CYP2B6: variants seen among roughly 807,000 people sequenced by gnomAD.
CYP2B6 encodes the protein cytochrome P450 family 2 subfamily B member 6, also known as cytochrome P450 2B6.
In CYP2B6, 35 loss-of-function variants were observed where a neutral mutation model predicts 43.4. The observed-to-expected ratio is 0.81, with a 90% CI of 0.62 to 1.07. The LOEUF (loss-of-function observed/expected upper bound fraction) is 1.07. Ranked by LOEUF, CYP2B6 falls within the 50% of genes least tolerant of loss-of-function variation. The probability of loss-of-function intolerance (pLI) is 0.00; values close to 1 mark genes in which losing one functional copy is unlikely to be tolerated. For synonymous variants in CYP2B6, 239 were observed against 239.2 expected (o/e 1.00, Z 0.01); for missense variants, 624 against 632.8 (o/e 0.99, Z 0.15).
intron 4 of CYP2B6, 23 bp downstream of exon 4, chr19:41,007,088 G>T: frequency 6.2e-7 from 1 of 1,613,356 alleles, no homozygotes; most frequent in African/African-American, 1.3e-5. Context: ...GAGAGGGACA[G>T]GGGGTGTGGG....
At chr19:40,995,193 T>C (rs968132358) in intron 1 of CYP2B6, among the ~76,000 whole-genome samples, 6 of 152,102 alleles carry the variant, frequency 3.9e-5, no homozygotes, top group African/African-American at 1.2e-4. Flanking sequence ...GGAAGAGAAA[T>C]CTTGATCCAC....
intron 1 of CYP2B6, among the ~76,000 whole-genome samples, chr19:40,994,026 C>A (rs1399866869): frequency 2.0e-5 from 3 of 152,024 alleles, no homozygotes; most frequent in Non-Finnish European, 4.4e-5. Context: ...TCAAGATGTC[C>A]CTTAATGTAT....
At chr19:40,991,685 G>A (rs1599839383) in intron 1 of CYP2B6, among the ~76,000 whole-genome samples, 1 of 152,094 alleles carries the variant, frequency 6.6e-6, no homozygotes, top group South Asian at 2.1e-4. Context: ...GAGCAAAGAA[G>A]TGACTCATGA....
chr19:41,012,803 C>A lies in CYP2B6; in HGVS notation c.1282C>A (p.Pro428Thr), dbSNP rs35010098. Residue 428 changes from proline to threonine, a missense_variant, in exon 8 of 9, where the codon CCC becomes ACC. By Grantham distance (38) the Pro-to-Thr change is conservative. Coordinates refer to ENST00000324071, the MANE Select transcript of CYP2B6 (RefSeq NM_000767.5). ...GALKKTEAFI[P>T]FSLGKRICLG... The stretch of plus-strand genomic sequence containing the variant: ...ACTGAAAAAGACTGAAGCTTTTATC[C>A]CCTTCTCCTTAGGTAAGCTGGACCC... 3.2e-5 allele frequency: 52 copies of A among 1,613,942 alleles called. 1 individual carries two copies. The African/African-American group carries it at 6.5e-4, about 20-fold the overall frequency.
At chr19:41,007,870 C>A (rs1179155405) in intron 4 of CYP2B6, among the ~76,000 whole-genome samples, 2 of 151,982 alleles carry the variant, frequency 1.3e-5, no homozygotes, top group Non-Finnish European at 2.9e-5. Flanking sequence ...AAGTGATCTG[C>A]CCGCCTCAGA....
intron 1 of CYP2B6, among the ~76,000 whole-genome samples, chr19:40,995,955 A>C (rs771627619): frequency 2.0e-4 from 30 of 152,184 alleles, no homozygotes; most frequent in Admixed American, 2.0e-3. Flanking sequence ...TAAACATATT[A>C]AGGTGGGAAC....
intron 8 of CYP2B6, among the ~76,000 whole-genome samples, chr19:41,016,399 C>CAAAAAAAA (rs869180190): frequency 9.2e-4 from 71 of 76,854 alleles, no homozygotes; most frequent in Non-Finnish European, 1.6e-3. Context: ...GACTCCATCT[C>CAAAAAAAA]AAAAAAAAAA....
intron 1 of CYP2B6, 46 bp from the exon 2 acceptor site, chr19:41,003,955 G>A: frequency 6.3e-7 from 1 of 1,593,094 alleles, no homozygotes; most frequent in South Asian, 1.1e-5. Flanking sequence ...TACAAATGAG[G>A]TGTATGCTGA....
intron 1 of CYP2B6, among the ~76,000 whole-genome samples, chr19:40,998,769 G>T (rs1969036321): frequency 8.9e-6 from 1 of 112,988 alleles, no homozygotes; most frequent in East Asian, 2.5e-4. Flanking sequence ...ATTTTTTATG[G>T]CTGCATAGTA....
At position 41,016,699 on chromosome 19, in the gene CYP2B6, T is replaced by C. The variant is rs1348583526; in HGVS notation, c.1348T>C (p.Phe450Leu). The change falls in exon 9 of 9, where the codon TTC becomes CTC. Residue 450 changes from phenylalanine to leucine, a missense_variant. Coordinates refer to ENST00000324071, the MANE Select transcript of CYP2B6 (RefSeq NM_000767.5). Reference protein sequence around the residue: ...GIARAELFLFFTTILQNFSMA... With the variant: ...GIARAELFLFLTTILQNFSMA... ...CGCCCGTGCGGAATTGTTCCTCTTC[T>C]TCACCACCATCCTCCAGAACTTCTC... 2.5e-6 allele frequency: 4 copies of C among 1,614,100 alleles called. No individual in the cohort carries two copies. In the African/African-American group the frequency reaches 5.3e-5, roughly 22 times the overall value.
Position 41,016,679 on chromosome 19 carries a change from G to C in CYP2B6, c.1328G>C (p.Arg443Pro). ...KRICLGEGIA[R>P]AELFLFFTTI... ...ATTTGTCTTGGTGAAGGCATCGCCC[G>C]TGCGGAATTGTTCCTCTTCTTCACC... The change falls in exon 9 of 9, where the codon CGT becomes CCT. Residue 443 changes from arginine to proline, a missense_variant. By Grantham distance (103) the Arg-to-Pro change is moderately radical. Transcript: ENST00000324071. 4 of 1,614,200 alleles carry C rather than the reference G, an allele frequency of 2.5e-6. No individual in the cohort carries two copies. The highest frequency in any genetic ancestry group is 3.4e-6 in the Non-Finnish European group (4 of 1,180,030).
intron 3 of CYP2B6, among the ~76,000 whole-genome samples, chr19:41,006,044 A>G (rs1969177665): frequency 1.3e-5 from 2 of 152,152 alleles, no homozygotes; most frequent in Non-Finnish European, 2.9e-5. Context: ...AGCCTGGTGT[A>G]TACAGGTATC....
chr19:41,012,810 C>G lies in CYP2B6; in HGVS notation c.1289C>G (p.Ser430Cys). The change falls in exon 8 of 9, where the codon TCC becomes TGC. Residue 430 changes from serine to cysteine, a missense_variant. Coordinates refer to ENST00000324071, the MANE Select transcript of CYP2B6 (RefSeq NM_000767.5). ...LKKTEAFIPF[S>C]LGKRICLGEG... ...AAGACTGAAGCTTTTATCCCCTTCT[C>G]CTTAGGTAAGCTGGACCCACAATTT... The G allele has an allele frequency of 1.2e-6, 2 of 1,614,124 alleles. No homozygotes were observed. Among genetic ancestry groups the G allele is most frequent in the Non-Finnish European group, 1.7e-6 (2 of 1,180,022 alleles).
rs561830421 is a variant in CYP2B6, at chr19:40,992,201, C to CAAAAAAAAAAAAAA, written c.171+732_171+745dup. 4.3e-4 allele frequency among the ~76,000 whole-genome samples: 27 copies of CAAAAAAAAAAAAAA among 62,576 alleles called. 1 individual carries two copies. The highest frequency in any genetic ancestry group is 6.2e-4 in the Non-Finnish European group (18 of 29,160). 41.1% of individuals were successfully genotyped at this position (62,576 alleles called of 152,430 possible). A position where few individuals can be genotyped will look rare whatever the true frequency, so the allele number is the denominator to read the frequency against. ...TGGGTGACAGAGTGAGACTCCTTCT[C>CAAAAAAAAAAAAAA]AAAAAAAAAAAAAAAAAAAAGAATA... On this transcript the variant is annotated intron_variant, in intron 1 of 8. Coordinates refer to ENST00000324071, the MANE Select transcript of CYP2B6 (RefSeq NM_000767.5).
chr19:41,012,127 T>C (rs140962193), intron 6 of CYP2B6, among the ~76,000 whole-genome samples, 171 bp from the exon 7 acceptor site: 202 of 152,206 alleles, frequency 1.3e-3, no homozygotes, highest in African/African-American at 4.7e-3. Context: ...TTTTTGTATT[T>C]TTAGGAGAGA....
intron 1 of CYP2B6, among the ~76,000 whole-genome samples, chr19:41,002,990 T>G (rs1264358176): frequency 6.6e-6 from 1 of 152,144 alleles, no homozygotes; most frequent in African/African-American, 2.4e-5. Context: ...TGTATACTAG[T>G]CTATTGTGAG....
intron 8 of CYP2B6, chr19:41,013,046 T>C: frequency 1.8e-6 from 1 of 561,688 alleles, no homozygotes; most frequent in African/African-American, 1.9e-5. Flanking sequence ...TATTTTAACA[T>C]CTCTAAACCT....
At chr19:40,993,112 T>A (rs778944874) in intron 1 of CYP2B6, among the ~76,000 whole-genome samples, 2 of 152,154 alleles carry the variant, frequency 1.3e-5, no homozygotes, top group Non-Finnish European at 2.9e-5. Flanking sequence ...CAGGGCATGA[T>A]GGTAATTAAG....
intron 5 of CYP2B6, chr19:41,009,741 G>C: frequency 1.7e-6 from 1 of 597,570 alleles, no homozygotes; most frequent in Non-Finnish European, 3.0e-6. Context: ...AGAAAGAGAC[G>C]GGGACAAAAA....
Sources: allele counts gnomAD v4.1 joint callset (sites outside exome capture counted in the v4.1 genomes callset), GRCh38; gene constraint gnomAD v4.1.1; transcripts MANE v1.5; gene names NCBI Gene and HGNC (gene_info 2026-07-23, HGNC 2026-07-21).